Variants in ST8SIA6 observed in about 807,000 individuals in gnomAD.
ST8SIA6 encodes ST8 alpha-N-acetyl-neuraminide alpha-2,8-sialyltransferase 6.
In ST8SIA6, 39 loss-of-function variants were observed where a neutral mutation model predicts 33.6. The ratio of observed to expected loss-of-function variants is 1.16; its 90% CI spans 0.90 to 1.52. ST8SIA6 has a LOEUF of 1.52. ST8SIA6 is among the 40% of genes most tolerant of loss of function. ST8SIA6 has a pLI of 0.00. For synonymous variants in ST8SIA6, 172 were observed against 167.2 expected (o/e 1.03, Z -0.22); for missense variants, 441 against 443.8 (o/e 0.99, Z 0.06).
At chr10:17,391,405 C>T (rs907867953) in intron 2 of ST8SIA6, among the ~76,000 whole-genome samples, 4 of 151,898 alleles carry the variant, frequency 2.6e-5, no homozygotes, top group African/African-American at 7.3e-5. Flanking sequence ...GGACTACAGG[C>T]GCCTGCCACC....
chr10:17,387,562 G>T (rs1224328088), intron 3 of ST8SIA6, among the ~76,000 whole-genome samples: 1 of 151,842 alleles, frequency 6.6e-6, no homozygotes, highest in African/African-American at 2.4e-5. Context: ...CCACCGCGCC[G>T]GGCCCAGAAA....
At chr10:17,379,887 T>C (rs1850069292) in intron 3 of ST8SIA6, among the ~76,000 whole-genome samples, 1 of 152,174 alleles carries the variant, frequency 6.6e-6, no homozygotes, top group Non-Finnish European at 1.5e-5. Context: ...GGTTCACATT[T>C]TGGTAACCAT....
In ST8SIA6 at chr10:17,318,507, C is replaced by T. The variant is rs376719990; in HGVS notation, c.*2371G>A. ...CTGGGATTACAGGTGTGAGCCATTGCGCCTGGCCTAAAGGGCTGCTCTTGT... is the reference window on the plus strand; with the variant it reads ...CTGGGATTACAGGTGTGAGCCATTGTGCCTGGCCTAAAGGGCTGCTCTTGT... On this transcript the variant is annotated 3_prime_UTR_variant, in exon 8 of 8. Transcript: ENST00000377602. The T allele has an allele frequency of 4.7e-5, 17 of 364,964 alleles. No individual in the cohort carries two copies. The highest frequency in any genetic ancestry group is 2.6e-4 in the African/African-American group (12 of 46,790). The allele number at this position is 364,964 out of a possible 1,614,324, so 22.6% of individuals were successfully genotyped here. A position where few individuals can be genotyped will look rare whatever the true frequency, so the allele number is the denominator to read the frequency against.
At chr10:17,390,666 G>C in intron 2 of ST8SIA6, 46 bp from the exon 3 acceptor site, 2 of 1,472,078 alleles carry the variant, frequency 1.4e-6, no homozygotes, top group Non-Finnish European at 1.9e-6. Flanking sequence ...TAAAATGAGA[G>C]CTTATAAGAT....
intron 2 of ST8SIA6, among the ~76,000 whole-genome samples, chr10:17,440,207 A>ATT (rs199531697): frequency 0.031 from 4,214 of 135,790 alleles, 296 homozygotes; most frequent in African/African-American, 0.11. Context: ...TCTCAAATGT[A>ATT]TTTTTTTTTT....
chr10:17,351,843 A>C (rs1849039560), intron 4 of ST8SIA6, among the ~76,000 whole-genome samples: 1 of 152,174 alleles, frequency 6.6e-6, no homozygotes, highest in Non-Finnish European at 1.5e-5. Flanking sequence ...TGTGGAATCT[A>C]AGAAAGTTGA....
rs1847848788 is a variant in ST8SIA6 at position 17,318,713 on chromosome 10, A to G, written c.*2165T>C. ...TACAAATCTACAAGATGGAGTTTAT[A>G]GTTTTTCTTTTTGTTTTGCACTTGG... is the stretch of plus-strand genomic sequence containing the variant. On this transcript the variant is annotated 3_prime_UTR_variant, in exon 8 of 8. Coordinates refer to ENST00000377602, the MANE Select transcript of ST8SIA6 (RefSeq NM_001004470.3). 3 of 471,060 alleles carry G rather than the reference A, an allele frequency of 6.4e-6. No individual in the cohort carries two copies. The highest frequency in any genetic ancestry group is 4.6e-5 in the South Asian group (3 of 64,562). The allele number at this position is 471,060 out of a possible 1,614,324, so 29.2% of individuals were successfully genotyped here.
chr10:17,432,214 G>C lies in ST8SIA6; in HGVS notation c.200+21345C>G, dbSNP rs528985388. ...GAAGTCAGAGAAGCAGTGGGGACCA[G>C]ATTTTTTAATGACTCACCAGCCTCG... On this transcript the variant is annotated intron_variant, in intron 2 of 7. Coordinates refer to ENST00000377602, the MANE Select transcript of ST8SIA6 (RefSeq NM_001004470.3). Among the ~76,000 whole-genome samples, 21 of 152,338 alleles carry C rather than the reference G, an allele frequency of 1.4e-4. No homozygotes were observed. In the South Asian group the frequency reaches 4.1e-3, roughly 30 times the overall value.
At chr10:17,386,966 A>G (rs1850384269) in intron 3 of ST8SIA6, 1 of 152,212 alleles carries the variant, frequency 6.6e-6, no homozygotes, top group African/African-American at 2.4e-5. Context: ...GGCCTCCGCC[A>G]GCTTCTAGGC....
intron 3 of ST8SIA6, among the ~76,000 whole-genome samples, chr10:17,385,104 C>T (rs1172298662): frequency 6.6e-6 from 1 of 152,116 alleles, no homozygotes; most frequent in East Asian, 1.9e-4. Context: ...CTTGGGCCTC[C>T]AAAATCACTA....
chr10:17,384,253 G>C (rs1850258152), intron 3 of ST8SIA6, among the ~76,000 whole-genome samples: 1 of 133,482 alleles, frequency 7.5e-6, no homozygotes, highest in African/African-American at 2.8e-5. Flanking sequence ...GATAAACTTG[G>C]AACCTCGAGA....
At chr10:17,431,205 G>C (rs2131721545) in intron 2 of ST8SIA6, among the ~76,000 whole-genome samples, 1 of 152,270 alleles carries the variant, frequency 6.6e-6, no homozygotes, top group South Asian at 2.1e-4. Context: ...GCCGACATGA[G>C]GATGAGAACT....
intron 4 of ST8SIA6, among the ~76,000 whole-genome samples, chr10:17,357,292 ATT>A (rs113412171): frequency 0.19 from 27,105 of 143,686 alleles, 2,644 homozygotes; most frequent in East Asian, 0.46. Context: ...CGCCTGGCTA[ATT>A]TTTTTTTTTT....
chr10:17,454,110 G>A lies in ST8SIA6; in HGVS notation c.101+45C>T, dbSNP rs921659644. On this transcript the variant is annotated intron_variant, in intron 1 of 7. Coordinates refer to ENST00000377602, the MANE Select transcript of ST8SIA6 (RefSeq NM_001004470.3). The surrounding 1 kb of genome is among the most constrained non-coding windows in gnomAD (Gnocchi z 4.1). ...CGGCTTGGGGGTCCGGGGGCGCCAG[G>A]CGGGGCGCGCGGCGCGGGGCGCGGC... 2 of 258,564 alleles carry A rather than the reference G, an allele frequency of 7.7e-6. No individual in the cohort carries two copies. The highest frequency in any genetic ancestry group is 4.5e-5 in the African/African-American group (2 of 44,108). 16.0% of individuals were successfully genotyped at this position (258,564 alleles called of 1,614,324 possible). A position where few individuals can be genotyped will look rare whatever the true frequency, so the allele number is the denominator to read the frequency against.
At chr10:17,360,258 C>A (rs1849336824) in intron 3 of ST8SIA6, among the ~76,000 whole-genome samples, 1 of 152,064 alleles carries the variant, frequency 6.6e-6, no homozygotes, top group Non-Finnish European at 1.5e-5. Context: ...ATGCAAGTAT[C>A]CCTTTGAGTG....
intron 2 of ST8SIA6, among the ~76,000 whole-genome samples, chr10:17,397,824 A>T (rs563883377): frequency 5.3e-5 from 8 of 152,272 alleles, no homozygotes; most frequent in Middle Eastern, 6.8e-3. Context: ...CGGGGGGGAA[A>T]TCTTTAAAAA....
chr10:17,402,816 C>T (rs1189229344), intron 2 of ST8SIA6, among the ~76,000 whole-genome samples: 1 of 152,062 alleles, frequency 6.6e-6, no homozygotes, highest in Non-Finnish European at 1.5e-5. Context: ...AGGAGATATA[C>T]CTAATGTAAA....
At chr10:17,420,390 C>T (rs1015282006) in intron 2 of ST8SIA6, among the ~76,000 whole-genome samples, 2 of 151,552 alleles carry the variant, frequency 1.3e-5, no homozygotes, top group South Asian at 2.1e-4. Context: ...CCAGCCTGGG[C>T]GACAGAGCGA....
chr10:17,454,373 C>T lies in ST8SIA6; in HGVS notation c.-118G>A, dbSNP rs1490329099. On this transcript the variant is annotated 5_prime_UTR_variant, in exon 1 of 8. Transcript: ENST00000377602. This position sits in a 1 kb window ranked among gnomAD's most constrained non-coding sequence, Gnocchi z 4.1. ...CCGCCGTGGCCGCAGCCCCGCGCAC[C>T]CACAGCGTTCACAGGCGGCAGCGAG... 5 of 158,852 alleles carry T rather than the reference C, an allele frequency of 3.1e-5. No individual in the cohort carries two copies. The highest frequency in any genetic ancestry group is 3.5e-4 in the South Asian group (2 of 5,704). 9.8% of individuals were successfully genotyped at this position (158,852 alleles called of 1,614,324 possible). A position where few individuals can be genotyped will look rare whatever the true frequency, so the allele number is the denominator to read the frequency against.
Sources: allele counts gnomAD v4.1 joint callset (sites outside exome capture counted in the v4.1 genomes callset), GRCh38; gene constraint gnomAD v4.1.1; non-coding constraint Gnocchi (gnomAD v3.1); transcripts MANE v1.5; gene names NCBI Gene and HGNC (gene_info 2026-07-23, HGNC 2026-07-21).